Variants in PTPRT observed in about 807,000 individuals in gnomAD.
PTPRT encodes the protein receptor-type tyrosine-protein phosphatase T.
Under a neutral mutation model 176.8 loss-of-function variants are expected in PTPRT, and 56 were observed. That is an observed-to-expected ratio of 0.32 (90% CI 0.26 to 0.40). PTPRT has a LOEUF of 0.40. Among genes scored for constraint, PTPRT ranks in the 10% least tolerant of loss-of-function variants. The pLI is 1.00. For synonymous variants in PTPRT, 783 were observed against 739.0 expected (o/e 1.06, Z -0.96); for missense variants, 1,540 against 1,908.2 (o/e 0.81, Z 3.60).
intron 9 of PTPRT, among the ~76,000 whole-genome samples, chr20:42,388,383 A>C (rs1017288348): frequency 6.6e-6 from 1 of 152,212 alleles, no homozygotes; most frequent in Non-Finnish European, 1.5e-5. Flanking sequence ...TCATCTGACA[A>C]AGCGCTAATA....
intron 1 of PTPRT, among the ~76,000 whole-genome samples, chr20:42,985,616 T>C (rs1266952390): frequency 1.3e-5 from 2 of 151,902 alleles, no homozygotes; most frequent in African/African-American, 4.8e-5. Context: ...GGGAAACAGA[T>C]CAAAAACAAT....
chr20:42,085,776 G>C lies in PTPRT; in HGVS notation c.3924C>G (p.Ile1308Met), dbSNP rs750906745. Residue 1308 changes from isoleucine to methionine, a missense_variant, in exon 28 of 31, where the codon ATC becomes ATG. Ile to Met is a conservative substitution (Grantham distance 10, BLOSUM62 1). Coordinates refer to ENST00000373187, the MANE Select transcript of PTPRT (RefSeq NM_007050.6). ...ATATTCTGTGGATGATGTCCTCGTC[G>C]ATGTCTGCGGAGACGAACTCCACCT... ...PIQVEFVSAD[I>M]DEDIIHRIFR... is the part of the protein sequence containing the mutation. 2 of 1,613,860 alleles carry C rather than the reference G, an allele frequency of 1.2e-6. No individual in the cohort carries two copies. Among genetic ancestry groups the C allele is most frequent in the Admixed American group, 3.3e-5 (2 of 59,996 alleles).
intron 6 of PTPRT, among the ~76,000 whole-genome samples, chr20:42,712,525 C>G (rs1456276454): frequency 6.6e-6 from 1 of 152,170 alleles, no homozygotes; most frequent in African/African-American, 2.4e-5. Flanking sequence ...AGTTAGGATA[C>G]CCAGATTCAC....
intron 9 of PTPRT, among the ~76,000 whole-genome samples, chr20:42,404,815 G>C (rs1344551527): frequency 1.3e-5 from 2 of 151,586 alleles, no homozygotes; most frequent in African/African-American, 4.8e-5. Context: ...CTTGAAAAAC[G>C]TAACAGTCAT....
At chr20:43,034,861 G>A (rs1021731399) in intron 1 of PTPRT, among the ~76,000 whole-genome samples, 1 of 151,890 alleles carries the variant, frequency 6.6e-6, no homozygotes. Context: ...TTGCTGGAGA[G>A]GGGGGTCCCT....
At chr20:42,741,971 T>C (rs2076617535) in intron 6 of PTPRT, among the ~76,000 whole-genome samples, 1 of 152,174 alleles carries the variant, frequency 6.6e-6, no homozygotes, top group South Asian at 2.1e-4. Flanking sequence ...AAAAGTTGGT[T>C]GGTCACTTAA....
chr20:42,937,119 C>T (rs1397193364), intron 1 of PTPRT, among the ~76,000 whole-genome samples: 1 of 152,222 alleles, frequency 6.6e-6, no homozygotes, highest in Non-Finnish European at 1.5e-5. Context: ...TATCATATTA[C>T]TGTACAATAA....
chr20:42,305,570 C>G (rs1185487954), intron 12 of PTPRT, among the ~76,000 whole-genome samples: 2 of 152,160 alleles, frequency 1.3e-5, no homozygotes, highest in East Asian at 3.9e-4. Context: ...CAAAGTTTTC[C>G]AATAACTGAA....
chr20:42,139,114 G>T (rs898804302), intron 18 of PTPRT, among the ~76,000 whole-genome samples: 1 of 151,956 alleles, frequency 6.6e-6, no homozygotes, highest in Non-Finnish European at 1.5e-5. Context: ...ATTCCAGGTT[G>T]TTTTTTTTCC....
At chr20:42,091,821 A>G (rs1291251370) in intron 27 of PTPRT, among the ~76,000 whole-genome samples, 1 of 152,160 alleles carries the variant, frequency 6.6e-6, no homozygotes. Flanking sequence ...AGAGAGAGAG[A>G]GATTCACACA....
intron 9 of PTPRT, among the ~76,000 whole-genome samples, chr20:42,382,258 G>A (rs563326688): frequency 1.4e-3 from 214 of 152,310 alleles, no homozygotes; most frequent in Middle Eastern, 0.01. Flanking sequence ...TAAAATTGAA[G>A]TTTTGATGGA....
intron 13 of PTPRT, among the ~76,000 whole-genome samples, chr20:42,255,741 G>A (rs1443204963): frequency 6.6e-6 from 1 of 152,110 alleles, no homozygotes; most frequent in Non-Finnish European, 1.5e-5. Flanking sequence ...TAAAGATATG[G>A]AGCAAAAATA....
chr20:42,269,251 C>T (rs2056890106), intron 13 of PTPRT, among the ~76,000 whole-genome samples: 2 of 152,194 alleles, frequency 1.3e-5, no homozygotes, highest in Admixed American at 1.3e-4. Flanking sequence ...CAACCTAAGA[C>T]ATTCACCAGC....
chr20:42,440,509 G>A (rs996910032), intron 9 of PTPRT, among the ~76,000 whole-genome samples: 13 of 147,678 alleles, frequency 8.8e-5, no homozygotes, highest in Admixed American at 5.4e-4. Context: ...ACAGAGTCTC[G>A]CTCTGTTGCC....
chr20:42,489,560 C>A (rs537144558), intron 7 of PTPRT, among the ~76,000 whole-genome samples: 148 of 151,990 alleles, frequency 9.7e-4, no homozygotes, highest in African/African-American at 3.5e-3. Flanking sequence ...CCATGAGCAA[C>A]CATTTTAATA....
At chr20:42,577,689 C>A (rs2145711386) in intron 7 of PTPRT, among the ~76,000 whole-genome samples, 1 of 152,220 alleles carries the variant, frequency 6.6e-6, no homozygotes. Flanking sequence ...CAGGGCTACC[C>A]AGACTACCGG....
At chr20:42,219,104 G>A (rs1041080594) in intron 15 of PTPRT, among the ~76,000 whole-genome samples, 16 of 152,194 alleles carry the variant, frequency 1.1e-4, no homozygotes, top group South Asian at 4.1e-4. Context: ...CTAGGAAGGC[G>A]GCTGGTCTGT....
At chr20:43,180,306 A>G (rs1254236289) in intron 1 of PTPRT, among the ~76,000 whole-genome samples, 2 of 144,746 alleles carry the variant, frequency 1.4e-5, no homozygotes, top group Admixed American at 6.9e-5. Context: ...CGGCCTCTAA[A>G]CCTGCATGAG....
At chr20:42,081,641 C>A (rs554701617) in intron 30 of PTPRT, among the ~76,000 whole-genome samples, 1 of 152,278 alleles carries the variant, frequency 6.6e-6, no homozygotes, top group Admixed American at 6.5e-5. Context: ...AAGGAATGGG[C>A]AGAAAGTGAA....
Sources: gnomAD v4.1 joint callset for allele counts (sites outside exome capture counted in the v4.1 genomes callset) on GRCh38, gnomAD v4.1.1 for gene constraint, MANE v1.5 for transcripts, NCBI Gene and HGNC (gene_info 2026-07-23, HGNC 2026-07-21) for gene names.